Variants in LIFR observed in about 807,000 individuals in gnomAD.
The protein encoded by LIFR is LIF receptor subunit alpha, also known as leukemia inhibitory factor receptor.
Under a neutral mutation model 122.2 loss-of-function variants are expected in LIFR, and 84 were observed. That is an observed-to-expected ratio of 0.69 (90% CI 0.58 to 0.82). The LOEUF is 0.82. Among genes scored for constraint, LIFR ranks in the 40% least tolerant of loss-of-function variants. The probability of loss-of-function intolerance (pLI) is 0.00; values close to 1 mark genes in which losing one functional copy is unlikely to be tolerated. For synonymous variants in LIFR, 422 were observed against 434.7 expected (o/e 0.97, Z 0.36); for missense variants, 1,294 against 1,311.6 (o/e 0.99, Z 0.21).
intron 1 of LIFR, among the ~76,000 whole-genome samples, chr5:38,543,823 C>T (rs1382546341): frequency 6.6e-6 from 1 of 152,072 alleles, no homozygotes; most frequent in African/African-American, 2.4e-5. Flanking sequence ...TCCTTCCTCC[C>T]AGATTTATAT....
Position 38,505,951 on chromosome 5 carries a change from C to T in LIFR, c.1245G>A (p.Pro415=), listed in dbSNP as rs139809889. 3.7e-5 allele frequency: 60 copies of T among 1,610,062 alleles called. No individual in the cohort carries two copies. Among genetic ancestry groups the T allele is most frequent in the South Asian group, 1.9e-4 (17 of 90,434 alleles). ...AAATTGTTGATTGTGATCGACCCAGCGGATTGTGAGCATTCAAAGTAAAAT... is the reference window on the plus strand; with the variant it reads ...AAATTGTTGATTGTGATCGACCCAGTGGATTGTGAGCATTCAAAGTAAAAT... The part of the protein sequence containing the change: ...IYNFTLNAHN[P]LGRSQSTILV... Residue 415 remains proline (P), a synonymous_variant, in exon 9 of 20, where the codon CCG becomes CCA. Coordinates refer to ENST00000453190, the MANE Select transcript of LIFR (RefSeq NM_001127671.2).
intron 2 of LIFR, among the ~76,000 whole-genome samples, chr5:38,604,056 T>C (rs1750275141): frequency 6.6e-6 from 1 of 152,224 alleles, no homozygotes; most frequent in South Asian, 2.1e-4. Context: ...AACAAATGTT[T>C]ATTAAATGCA....
At chr5:38,548,694 A>C (rs1222891257) in intron 1 of LIFR, among the ~76,000 whole-genome samples, 1 of 152,230 alleles carries the variant, frequency 6.6e-6, no homozygotes. Context: ...ATACAGGACT[A>C]TTCAAGACAA....
intron 1 of LIFR, among the ~76,000 whole-genome samples, chr5:38,547,174 T>C (rs1306191565): frequency 1.3e-5 from 2 of 152,188 alleles, no homozygotes; most frequent in Non-Finnish European, 2.9e-5. Context: ...TGTATCTATA[T>C]GTACAATTTG....
At chr5:38,519,170 T>C (rs1346639463) in intron 5 of LIFR, among the ~76,000 whole-genome samples, 2 of 152,320 alleles carry the variant, frequency 1.3e-5, no homozygotes, top group East Asian at 3.9e-4. Flanking sequence ...ATAAAAAGTT[T>C]TATAAGTTTA....
chr5:38,568,598 T>G (rs1749105340), intron 1 of LIFR, among the ~76,000 whole-genome samples: 1 of 152,150 alleles, frequency 6.6e-6, no homozygotes, highest in African/African-American at 2.4e-5. Context: ...GAAGAGACAC[T>G]GCACTGAGGG....
chr5:38,480,446 C>T lies in LIFR; in HGVS notation c.*1149G>A, dbSNP rs1743928592. On this transcript the variant is annotated 3_prime_UTR_variant, in exon 20 of 20. Coordinates refer to ENST00000453190, the MANE Select transcript of LIFR (RefSeq NM_001127671.2). ...TTATGACAGTTACTAAGAAACAGCC[C>T]TTGGGTAACTGTTCCTGTAAGAAGC... 4.6e-6 allele frequency: 1 copy of T among 218,940 alleles called. No homozygotes were observed. Among genetic ancestry groups the T allele is most frequent in the South Asian group, 1.8e-4 (1 of 5,410 alleles). The allele number at this position is 218,940 out of a possible 1,614,324, so 13.6% of individuals were successfully genotyped here. A position where few individuals can be genotyped will look rare whatever the true frequency, so the allele number is the denominator to read the frequency against.
intron 1 of LIFR, among the ~76,000 whole-genome samples, chr5:38,532,183 G>A (rs757615587): frequency 1.5e-4 from 23 of 152,064 alleles, no homozygotes; most frequent in East Asian, 7.7e-4. Context: ...TACAAGTTTC[G>A]ATTATTCTAA....
At chr5:38,595,763 C>T (rs557862403), upstream of LIFR, among the ~76,000 whole-genome samples, 43 of 133,852 alleles carry the variant, frequency 3.2e-4, 1 homozygote, top group East Asian at 9.0e-3. Flanking sequence ...AACAGAGTCT[C>T]GCTCTGTCTC....
chr5:38,539,089 TAGCTGGGACTAC>T (rs1223506479), intron 1 of LIFR, among the ~76,000 whole-genome samples: 7 of 152,058 alleles, frequency 4.6e-5, no homozygotes, highest in African/African-American at 1.7e-4. Flanking sequence ...GCCTCCCGAG[TAGCTGGGACTAC>T]AGGCGCCTGC....
At chr5:38,534,455 C>T (rs1286028605) in intron 1 of LIFR, among the ~76,000 whole-genome samples, 1 of 152,148 alleles carries the variant, frequency 6.6e-6, no homozygotes, top group Non-Finnish European at 1.5e-5. Context: ...AAGAGGGAAG[C>T]TGGAACAAAG....
chr5:38,493,212 G>GC (rs1744693709), intron 14 of LIFR, among the ~76,000 whole-genome samples: 2 of 147,518 alleles, frequency 1.4e-5, no homozygotes, highest in East Asian at 3.9e-4. Flanking sequence ...CAGTTCCGTA[G>GC]TTTTTTTTTT....
chr5:38,577,685 C>G (rs1268878144), intron 1 of LIFR, among the ~76,000 whole-genome samples: 1 of 152,164 alleles, frequency 6.6e-6, no homozygotes, highest in East Asian at 1.9e-4. Flanking sequence ...TTGCTTAACA[C>G]AGTTTGAATT....
At position 38,489,228 on chromosome 5, in the gene LIFR, T is replaced by C. The variant is rs771179732; in HGVS notation, c.2185A>G (p.Asn729Asp). Residue 729 changes from asparagine (N) to aspartate (D), a missense_variant, in exon 16 of 20, where the codon AAT becomes GAT. Coordinates refer to ENST00000453190, the MANE Select transcript of LIFR (RefSeq NM_001127671.2). ...IEELAPIVAP[N>D]FTVEDTSADS... ...GCAGAAGTATCCTCAACAGTAAAATTTGGTGCAACAATGGGAGCTGTAAAA... is the reference window on the plus strand; with the variant it reads ...GCAGAAGTATCCTCAACAGTAAAATCTGGTGCAACAATGGGAGCTGTAAAA... 4 of 1,612,974 alleles carry C rather than the reference T, an allele frequency of 2.5e-6. No homozygotes were observed. Among genetic ancestry groups the C allele is most frequent in the Non-Finnish European group, 2.5e-6 (3 of 1,179,634 alleles).
intron 14 of LIFR, 98 bp from the exon 15 acceptor site, chr5:38,490,389 G>A: frequency 3.8e-6 from 2 of 532,958 alleles, no homozygotes; most frequent in Non-Finnish European, 3.4e-6. Context: ...AATTTCCAAA[G>A]CTAATTTTAA....
chr5:38,493,388 TTC>T (rs1206135356), intron 14 of LIFR, among the ~76,000 whole-genome samples: 1 of 152,192 alleles, frequency 6.6e-6, no homozygotes, highest in Non-Finnish European at 1.5e-5. Flanking sequence ...ATCTGTGTTG[TTC>T]TCTGATTATT....
chr5:38,584,996 A>C (rs1010034936), intron 1 of LIFR, among the ~76,000 whole-genome samples: 5 of 152,200 alleles, frequency 3.3e-5, no homozygotes, highest in African/African-American at 9.6e-5. Flanking sequence ...ATACACAGTA[A>C]AATTTACTTT....
At chr5:38,593,438 T>C (rs1749995217) in intron 1 of LIFR, among the ~76,000 whole-genome samples, 1 of 152,192 alleles carries the variant, frequency 6.6e-6, no homozygotes, top group Non-Finnish European at 1.5e-5. Context: ...TTCTGTCACA[T>C]GAGACACATT....
chr5:38,483,415 G>T (rs532426263), intron 18 of LIFR, among the ~76,000 whole-genome samples: 21 of 151,338 alleles, frequency 1.4e-4, no homozygotes, highest in African/African-American at 4.8e-4. Flanking sequence ...TAATAGTTGG[G>T]TTTTTTTTGT....
Sources: gnomAD v4.1 joint callset for allele counts (sites outside exome capture counted in the v4.1 genomes callset) on GRCh38, gnomAD v4.1.1 for gene constraint, MANE v1.5 for transcripts, NCBI Gene and HGNC (gene_info 2026-07-23, HGNC 2026-07-21) for gene names.